RPS6KC1: variants seen among roughly 807,000 people sequenced by gnomAD.
The protein encoded by RPS6KC1 is ribosomal protein S6 kinase C1.
A neutral mutation model predicts 103.8 loss-of-function variants in RPS6KC1; 54 were observed. The ratio of observed to expected loss-of-function variants is 0.52; its 90% CI spans 0.42 to 0.65. The LOEUF (loss-of-function observed/expected upper bound fraction) is 0.65, where lower values mean the gene tolerates loss of function less well. Ranked by LOEUF, RPS6KC1 falls within the 30% of genes least tolerant of loss-of-function variation. The pLI, the probability that RPS6KC1 is intolerant of heterozygous loss-of-function variation, is 0.00. For missense variants in RPS6KC1, 1,151 were observed against 1,253.8 expected (o/e 0.92, Z 1.24); for synonymous variants, 439 against 438.7 (o/e 1.00, Z -0.01).
the RPS6KC1 span, among the ~76,000 whole-genome samples, chr1:213,715,093 A>G: frequency 6.6e-6 from 1 of 152,178 alleles, no homozygotes; most frequent in Non-Finnish European, 1.5e-5. Flanking sequence ...TGAGATTCTT[A>G]TTTAGGTCTA....
chr1:213,508,813 A>G, the RPS6KC1 span, among the ~76,000 whole-genome samples: 4 of 152,230 alleles, frequency 2.6e-5, no homozygotes, highest in Non-Finnish European at 5.9e-5. Flanking sequence ...GATTGGTCTC[A>G]GTTGCTAATC....
At chr1:213,323,979 T>C in the RPS6KC1 span, among the ~76,000 whole-genome samples, 1 of 152,250 alleles carries the variant, frequency 6.6e-6, no homozygotes, top group Non-Finnish European at 1.5e-5. Context: ...AATATTTCCA[T>C]TGCCCTAAAA....
the RPS6KC1 span, among the ~76,000 whole-genome samples, chr1:213,366,619 T>G: frequency 6.6e-6 from 1 of 152,204 alleles, no homozygotes; most frequent in African/African-American, 2.4e-5. Context: ...CAATAAAACT[T>G]TATTTACAAA....
At chr1:213,849,822 C>CA in the RPS6KC1 span, among the ~76,000 whole-genome samples, 2 of 152,000 alleles carry the variant, frequency 1.3e-5, no homozygotes, top group East Asian at 3.9e-4. Flanking sequence ...GTAGCTTCTG[C>CA]AAAAGTTTTA....
the RPS6KC1 span, among the ~76,000 whole-genome samples, chr1:213,836,709 T>C: frequency 6.6e-6 from 1 of 152,218 alleles, no homozygotes; most frequent in Non-Finnish European, 1.5e-5. Context: ...ACTATTGCCA[T>C]ATGTGACTCA....
the RPS6KC1 span, among the ~76,000 whole-genome samples, chr1:213,696,997 C>G: frequency 6.6e-6 from 1 of 152,246 alleles, no homozygotes. Flanking sequence ...TTCTGACCCA[C>G]TGGCTATAAA....
chr1:213,436,067 T>C, the RPS6KC1 span, among the ~76,000 whole-genome samples: 2 of 152,252 alleles, frequency 1.3e-5, no homozygotes, highest in East Asian at 3.8e-4. Flanking sequence ...TGCTCAATAT[T>C]GTGTTTAGAA....
chr1:213,531,359 G>T, the RPS6KC1 span, among the ~76,000 whole-genome samples: 1 of 152,214 alleles, frequency 6.6e-6, no homozygotes, highest in East Asian at 1.9e-4. Flanking sequence ...GGACAGGAGA[G>T]GAAACTTTAA....
intron 5 of RPS6KC1, among the ~76,000 whole-genome samples, chr1:213,126,215 A>G (rs2084978637): frequency 6.6e-6 from 1 of 152,154 alleles, no homozygotes; most frequent in African/African-American, 2.4e-5. Context: ...AAAATCTCAT[A>G]AAATTTATAT....
the RPS6KC1 span, among the ~76,000 whole-genome samples, chr1:213,829,390 C>T: frequency 2.0e-5 from 3 of 151,728 alleles, no homozygotes; most frequent in African/African-American, 7.3e-5. Context: ...AATTGTCAGT[C>T]GGAAAGTACA....
the RPS6KC1 span, among the ~76,000 whole-genome samples, chr1:213,804,197 A>C: frequency 6.8e-6 from 1 of 147,372 alleles, no homozygotes; most frequent in Non-Finnish European, 1.5e-5. Context: ...AAAAAAAAAA[A>C]ACAACCCTTT....
chr1:213,130,857 C>T (rs1572720052), intron 6 of RPS6KC1, among the ~76,000 whole-genome samples: 1 of 152,018 alleles, frequency 6.6e-6, no homozygotes, highest in African/African-American at 2.4e-5. Context: ...AGAGTTTTAC[C>T]ATGCCATGTA....
the RPS6KC1 span, among the ~76,000 whole-genome samples, chr1:213,641,931 G>C: frequency 6.7e-6 from 1 of 148,490 alleles, no homozygotes; most frequent in Non-Finnish European, 1.5e-5. Flanking sequence ...TTCAAGTTTT[G>C]GCTCCTGAAG....
chr1:213,103,023 G>A (rs946492513), intron 3 of RPS6KC1, among the ~76,000 whole-genome samples: 4 of 151,970 alleles, frequency 2.6e-5, no homozygotes, highest in African/African-American at 7.3e-5. Context: ...CCTGGGCAGC[G>A]TAGTGCGACC....
chr1:213,532,566 C>T, the RPS6KC1 span, among the ~76,000 whole-genome samples: 1 of 152,174 alleles, frequency 6.6e-6, no homozygotes, highest in Admixed American at 6.5e-5. Flanking sequence ...CCGTCTTCCT[C>T]CCCGTTCTCC....
chr1:213,687,071 C>T, the RPS6KC1 span, among the ~76,000 whole-genome samples: 1 of 152,138 alleles, frequency 6.6e-6, no homozygotes. Flanking sequence ...CTTTCATCAC[C>T]ATCTTGGTTT....
At chr1:213,062,407 A>G (rs761791595) in intron 1 of RPS6KC1, among the ~76,000 whole-genome samples, 12 of 152,150 alleles carry the variant, frequency 7.9e-5, no homozygotes, top group Non-Finnish European at 1.8e-4. Context: ...AATCTGAAAC[A>G]CTTCTTGTCT....
the RPS6KC1 span, among the ~76,000 whole-genome samples, chr1:213,579,096 G>A: frequency 3.9e-5 from 6 of 152,086 alleles, no homozygotes; most frequent in South Asian, 4.2e-4. Flanking sequence ...TAGTGAATAA[G>A]GCTCACATGA....
the RPS6KC1 span, among the ~76,000 whole-genome samples, chr1:213,594,066 A>G: frequency 3.3e-5 from 5 of 152,068 alleles, no homozygotes; most frequent in African/African-American, 1.2e-4. Flanking sequence ...GCTTTTGCCA[A>G]GTTGGCCAGG....
Sources: allele counts gnomAD v4.1 joint callset (sites outside exome capture counted in the v4.1 genomes callset), GRCh38; gene constraint gnomAD v4.1.1; transcripts MANE v1.5; gene names NCBI Gene and HGNC (gene_info 2026-07-23, HGNC 2026-07-21).